Variants in GTSE1 observed in about 807,000 individuals in gnomAD.
GTSE1 encodes the protein G2 and S phase-expressed protein 1.
Under a neutral mutation model 60.5 loss-of-function variants are expected in GTSE1, and 52 were observed. The observed-to-expected ratio is 0.86, with a 90% CI of 0.69 to 1.08. The LOEUF (loss-of-function observed/expected upper bound fraction) is 1.08, where lower values mean the gene tolerates loss of function less well. GTSE1 is among the 50% of genes least tolerant of loss of function. The probability of loss-of-function intolerance (pLI) is 0.00; values close to 1 mark genes in which losing one functional copy is unlikely to be tolerated. For synonymous variants in GTSE1, 368 were observed against 386.5 expected, an observed-to-expected ratio of 0.95 and a Z score of 0.56; for missense variants, 937 against 961.8, an observed-to-expected ratio of 0.97 and a Z score of 0.34.
rs749684923 is a variant in GTSE1, at chr22:46,317,799, C to T, written c.1432+1387C>T. 1.3e-5 allele frequency among the ~76,000 whole-genome samples: 2 copies of T among 152,260 alleles called. No individual in the cohort carries two copies. Among genetic ancestry groups the T allele is most frequent in the Non-Finnish European group, 2.9e-5 (2 of 68,046 alleles). ...TGTGTCCCGCAAGGCCCGCGAGACCCCTGCACTCCTGCTGCTGCAAGATGA... is the reference window on the plus strand; with the variant it reads ...TGTGTCCCGCAAGGCCCGCGAGACCTCTGCACTCCTGCTGCTGCAAGATGA... On this transcript the variant is annotated intron_variant, in intron 7 of 11. Transcript: ENST00000454366. The surrounding 1 kb of genome is among the most constrained non-coding windows in gnomAD (Gnocchi z 5.6).
intron 2 of GTSE1, among the ~76,000 whole-genome samples, chr22:46,307,100 C>G (rs1244018023): frequency 6.6e-6 from 1 of 152,122 alleles, no homozygotes; most frequent in East Asian, 1.9e-4. Context: ...ACCCACTAAC[C>G]TGGAACTTGT....
Position 46,316,128 on chromosome 22 carries a change from C to G in GTSE1, c.1148C>G (p.Pro383Arg). The G allele has an allele frequency of 6.2e-7, 1 of 1,603,398 alleles. No individual in the cohort carries two copies. Among genetic ancestry groups the G allele is most frequent in the Non-Finnish European group, 8.5e-7 (1 of 1,172,524 alleles). The change falls in exon 7 of 12, where the codon CCA becomes CGA. Residue 383 changes from proline to arginine, a missense_variant. Coordinates refer to ENST00000454366, the MANE Select transcript of GTSE1 (RefSeq NM_016426.7). The surrounding 1 kb of genome is among the most constrained non-coding windows in gnomAD (Gnocchi z 5.0). ...AGAATGGGACCCGCCATGCTGCGGC[C>G]AGCTCTGCCTGCAGGCCCTGTGGGG... ...SGRMGPAMLR[P>R]ALPAGPVGAS...
rs930821715 is a variant in GTSE1, at chr22:46,312,933, C to T, written c.927+628C>T. 2.0e-5 allele frequency among the ~76,000 whole-genome samples: 3 copies of T among 150,800 alleles called. 1 individual carries two copies. The highest frequency in any genetic ancestry group is 4.2e-4 in the South Asian group (2 of 4,744). On this transcript the variant is annotated intron_variant, in intron 5 of 11. Transcript: ENST00000454366. ...ATCTCAGCACTTTGGGAGGCTGAGGCGGGAGGATCACTTGAGCCCAGGAGT... is the reference window on the plus strand; with the variant it reads ...ATCTCAGCACTTTGGGAGGCTGAGGTGGGAGGATCACTTGAGCCCAGGAGT...
At chr22:46,300,735 A>T (rs1020827773) in intron 2 of GTSE1, among the ~76,000 whole-genome samples, 7 of 152,216 alleles carry the variant, frequency 4.6e-5, no homozygotes, top group African/African-American at 1.7e-4. Flanking sequence ...GACCCCTCGG[A>T]GCCAGTCACA....
chr22:46,329,374 T>C lies in GTSE1; in HGVS notation c.1943T>C (p.Ile648Thr), dbSNP rs763420210. ...TGTACCCAGGCTCTTCTTGTAGATATCAAACTGGAACCACTCGCGGTCACT... is the reference window on the plus strand; with the variant it reads ...TGTACCCAGGCTCTTCTTGTAGATACCAAACTGGAACCACTCGCGGTCACT... Reference protein sequence around the residue: ...AAPSEALLVDIKLEPLAVTPD... With the variant: ...AAPSEALLVDTKLEPLAVTPD... Residue 648 changes from isoleucine to threonine, a missense_variant, in exon 11 of 12, where the codon ATC (isoleucine) becomes ACC (threonine). Coordinates refer to ENST00000454366, the MANE Select transcript of GTSE1 (RefSeq NM_016426.7). This position sits in a 1 kb window ranked among gnomAD's most constrained non-coding sequence, Gnocchi z 6.4. 5 of 1,613,880 alleles carry C rather than the reference T, an allele frequency of 3.1e-6. No homozygotes were observed. Among genetic ancestry groups the C allele is most frequent in the Middle Eastern group, 1.6e-4 (1 of 6,084 alleles).
chr22:46,312,790 C>T (rs775483200), intron 5 of GTSE1, among the ~76,000 whole-genome samples: 36 of 152,262 alleles, frequency 2.4e-4, no homozygotes, highest in African/African-American at 8.4e-4. Context: ...GTCAGCGTCT[C>T]GGAGCCCCAG....
At position 46,297,400 on chromosome 22, in the gene GTSE1, C is replaced by G; in HGVS notation, c.-1C>G. The G allele has an allele frequency of 6.2e-7, 1 of 1,611,458 alleles. No individual in the cohort carries two copies. Among genetic ancestry groups the G allele is most frequent in the East Asian group, 2.2e-5 (1 of 44,864 alleles). Reference sequence around the variant, plus strand: ...TGCAGTGACTTCTGACAGCTCTCTCCATGGAAGGAGGCGGCGGCCGCGATG... The same window carrying G: ...TGCAGTGACTTCTGACAGCTCTCTCGATGGAAGGAGGCGGCGGCCGCGATG... On this transcript the variant is annotated 5_prime_UTR_variant, in exon 2 of 12. Coordinates refer to ENST00000454366, the MANE Select transcript of GTSE1 (RefSeq NM_016426.7). The surrounding 1 kb of genome is among the most constrained non-coding windows in gnomAD (Gnocchi z 4.9).
chr22:46,327,277 C>G (rs1055220672), intron 9 of GTSE1: 8 of 152,078 alleles, frequency 5.3e-5, no homozygotes, highest in African/African-American at 1.9e-4. Flanking sequence ...TAAGCCATAG[C>G]TGGAGCTCAG....
intron 2 of GTSE1, among the ~76,000 whole-genome samples, chr22:46,305,838 C>T (rs1358630386): frequency 1.3e-5 from 2 of 151,232 alleles, no homozygotes; most frequent in African/African-American, 2.4e-5. Flanking sequence ...ACCTGGGAGG[C>T]GGAGGTTGCA....
At position 46,314,080 on chromosome 22, in the gene GTSE1, C is replaced by T. The variant is rs756142458; in HGVS notation, c.1051+67C>T. ...GTGAGGCCTGGAGTGCTGCTCAGGCCTTGGAGACTGTTTCTGCAGAACCAC... is the reference window on the plus strand; with the variant it reads ...GTGAGGCCTGGAGTGCTGCTCAGGCTTTGGAGACTGTTTCTGCAGAACCAC... On this transcript the variant is annotated intron_variant, in intron 6 of 11. Transcript: ENST00000454366. This position sits in a 1 kb window ranked among gnomAD's most constrained non-coding sequence, Gnocchi z 7.1. 7 of 1,583,548 alleles carry T rather than the reference C, an allele frequency of 4.4e-6. No homozygotes were observed. Among genetic ancestry groups the T allele is most frequent in the Non-Finnish European group, 6.1e-6 (7 of 1,156,676 alleles).
chr22:46,299,823 C>G (rs1287820009), intron 2 of GTSE1, among the ~76,000 whole-genome samples: 2 of 150,572 alleles, frequency 1.3e-5, no homozygotes, highest in Non-Finnish European at 3.0e-5. Context: ...GAGACAGAGT[C>G]TCACTGTTGG....
rs1730262211 is a variant in GTSE1 at position 46,304,071 on chromosome 22, G to C, written c.80-4079G>C. Among the ~76,000 whole-genome samples the C allele has an allele frequency of 6.6e-6, 1 of 152,164 alleles. No homozygotes were observed. Among genetic ancestry groups the C allele is most frequent in the South Asian group, 2.1e-4 (1 of 4,822 alleles). ...TGCCCAGGATGGAGTGCAGTGGCTT[G>C]ATCATAGCTCACTGCAGCCGCAAGC... is the stretch of plus-strand genomic sequence containing the variant. On this transcript the variant is annotated intron_variant, in intron 2 of 11. Coordinates refer to ENST00000454366, the MANE Select transcript of GTSE1 (RefSeq NM_016426.7). This position sits in a 1 kb window ranked among gnomAD's most constrained non-coding sequence, Gnocchi z 4.4.
intron 2 of GTSE1, among the ~76,000 whole-genome samples, chr22:46,307,070 G>A (rs1569037898): frequency 2.0e-5 from 3 of 152,196 alleles, no homozygotes; most frequent in Non-Finnish European, 2.9e-5. Flanking sequence ...GGAGGAGGGA[G>A]CAGGTGCCCC....
chr22:46,301,569 A>G (rs2077689484), intron 2 of GTSE1, among the ~76,000 whole-genome samples: 2 of 148,846 alleles, frequency 1.3e-5, no homozygotes, highest in African/African-American at 2.5e-5. Flanking sequence ...CTCACTGCAA[A>G]CTCCCCCTCT....
intron 2 of GTSE1, among the ~76,000 whole-genome samples, chr22:46,305,837 G>T (rs1256523004): frequency 6.6e-6 from 1 of 151,636 alleles, no homozygotes; most frequent in Non-Finnish European, 1.5e-5. Context: ...AACCTGGGAG[G>T]CGGAGGTTGC....
At chr22:46,312,105 C>G in intron 4 of GTSE1, 36 bp from the exon 5 acceptor site, 1 of 1,568,526 alleles carries the variant, frequency 6.4e-7, no homozygotes. Context: ...TTGTTAAGCA[C>G]TAGACAGTTC....
intron 8 of GTSE1, 42 bp from the exon 9 acceptor site, chr22:46,326,394 C>G (rs370334632): frequency 3.7e-4 from 554 of 1,485,158 alleles, no homozygotes; most frequent in Middle Eastern, 2.6e-3. Context: ...CTTACTTTTT[C>G]TATGTCATCT....
rs144290857 is a variant in GTSE1 at position 46,329,451 on chromosome 22, G to C, written c.2020G>C (p.Asp674His). The part of the protein sequence containing the change: ...LIDLPLIDFC[D>H]TPEAHVAVGS... ...TGACCTTCCTCTCATCGACTTCTGC[G>C]ATACCCCAGAAGCACACGTGGCTGT... The change falls in exon 11 of 12, where the codon GAT (aspartate) becomes CAT (histidine). Residue 674 changes from aspartate to histidine, a missense_variant. Physicochemically the swap from Asp to His is moderately conservative, Grantham distance 81 (BLOSUM62 -1). Transcript: ENST00000454366. This position sits in a 1 kb window ranked among gnomAD's most constrained non-coding sequence, Gnocchi z 6.4. The C allele has an allele frequency of 1.2e-6, 2 of 1,614,120 alleles. No homozygotes were observed. Among genetic ancestry groups the C allele is most frequent in the African/African-American group, 1.3e-5 (1 of 75,036 alleles).
chr22:46,309,237 A>G lies in GTSE1; in HGVS notation c.762+294A>G, dbSNP rs569907781. On this transcript the variant is annotated intron_variant, in intron 4 of 11. Coordinates refer to ENST00000454366, the MANE Select transcript of GTSE1 (RefSeq NM_016426.7). The surrounding 1 kb of genome is among the most constrained non-coding windows in gnomAD (Gnocchi z 6.2). ...GGGATTTCATTTGCTTTAATAAGCA[A>G]CCTCTTCCAAAAACTCCCCTCCTCT... 2.3e-3 allele frequency among the ~76,000 whole-genome samples: 347 copies of G among 151,672 alleles called. No individual in the cohort carries two copies. Among genetic ancestry groups the G allele is most frequent in the African/African-American group, 7.9e-3 (326 of 41,308 alleles).
Sources: gnomAD v4.1 joint callset for allele counts (sites outside exome capture counted in the v4.1 genomes callset) on GRCh38, gnomAD v4.1.1 for gene constraint, Gnocchi (gnomAD v3.1) non-coding constraint, MANE v1.5 for transcripts, NCBI Gene and HGNC (gene_info 2026-07-23, HGNC 2026-07-21) for gene names.